The following PLCG2 variants were observed in gnomAD, a reference collection of about 807,000 sequenced individuals.
PLCG2 encodes 1-phosphatidylinositol 4,5-bisphosphate phosphodiesterase gamma-2.
In PLCG2, 69 loss-of-function variants were observed where a neutral mutation model predicts 175.6. That is an observed-to-expected ratio of 0.39 (90% CI 0.32 to 0.48). The LOEUF (loss-of-function observed/expected upper bound fraction) is 0.48. Among genes scored for constraint, PLCG2 ranks in the 20% least tolerant of loss-of-function variants. The pLI is 0.91. For missense variants in PLCG2, 1,798 were observed against 1,650.9 expected (o/e 1.09, Z -1.54); for synonymous variants, 827 against 624.0 (o/e 1.33, Z -4.85).
intron 10 of PLCG2, 70 bp from the exon 11 acceptor site, chr16:81,891,402 G>A (rs910791390): frequency 7.7e-6 from 7 of 905,444 alleles, no homozygotes; most frequent in Non-Finnish European, 1.3e-5. Context: ...GGTGGGCGCA[G>A]ACCAGAAACA....
chr16:81,934,735 G>A (rs1910637822), intron 26 of PLCG2, among the ~76,000 whole-genome samples: 1 of 152,140 alleles, frequency 6.6e-6, no homozygotes, highest in African/African-American at 2.4e-5. Flanking sequence ...TCATGCTGCT[G>A]ATAAAGACAT....
At chr16:81,896,067 C>T (rs1200225491) in intron 13 of PLCG2, 140 bp downstream of exon 13, 2 of 1,068,774 alleles carry the variant, frequency 1.9e-6, no homozygotes, top group East Asian at 2.4e-5. Flanking sequence ...TGGCCAAAGC[C>T]ACTGCCATCA....
intron 2 of PLCG2, among the ~76,000 whole-genome samples, chr16:81,762,046 G>C (rs984462293): frequency 6.6e-6 from 1 of 151,562 alleles, no homozygotes; most frequent in African/African-American, 2.4e-5. Flanking sequence ...TGGTGGCTAG[G>C]GTTGTCTGGA....
intron 1 of PLCG2, among the ~76,000 whole-genome samples, chr16:81,754,674 T>C (rs1329426601): frequency 6.6e-6 from 1 of 151,206 alleles, no homozygotes; most frequent in Non-Finnish European, 1.5e-5. Context: ...CAGAGCTCAC[T>C]AGTGGGAACC....
chr16:81,824,147 T>C (rs1904940813), intron 2 of PLCG2, among the ~76,000 whole-genome samples: 1 of 149,024 alleles, frequency 6.7e-6, no homozygotes, highest in Non-Finnish European at 1.5e-5. Flanking sequence ...CTCTCTTTCT[T>C]TCTTTCATGG....
At chr16:81,905,546 C>A in intron 15 of PLCG2, 39 bp downstream of exon 15, 1 of 1,297,916 alleles carries the variant, frequency 7.7e-7, no homozygotes, top group Non-Finnish European at 1.1e-6. Context: ...TGCGGCCACG[C>A]CCCTTGCAGC....
intron 9 of PLCG2, among the ~76,000 whole-genome samples, chr16:81,886,780 G>A (rs1365805844): frequency 6.6e-6 from 1 of 152,210 alleles, no homozygotes; most frequent in Non-Finnish European, 1.5e-5. Flanking sequence ...TGGGGTGGTG[G>A]TAAGTTCAAG....
intron 12 of PLCG2, 133 bp from the exon 13 acceptor site, chr16:81,895,674 T>G: frequency 2.1e-6 from 2 of 930,434 alleles, no homozygotes; most frequent in Non-Finnish European, 3.3e-6. Flanking sequence ...AGCCATGTCC[T>G]CGTGTTGGCA....
At chr16:81,948,999 C>T (rs1382017241) in intron 31 of PLCG2, among the ~76,000 whole-genome samples, 2 of 152,180 alleles carry the variant, frequency 1.3e-5, no homozygotes, top group African/African-American at 2.4e-5. Flanking sequence ...AGAAAGCTTT[C>T]TGGAATTCAG....
intron 26 of PLCG2, among the ~76,000 whole-genome samples, chr16:81,935,084 C>T (rs899168499): frequency 2.6e-5 from 4 of 152,170 alleles, no homozygotes; most frequent in Non-Finnish European, 4.4e-5. Context: ...TTACCACAAA[C>T]TTGGTGGCTG....
intron 3 of PLCG2, among the ~76,000 whole-genome samples, chr16:81,856,665 C>T (rs1406373597): frequency 1.3e-5 from 2 of 152,170 alleles, no homozygotes; most frequent in African/African-American, 4.8e-5. Context: ...AAAGCTAAAT[C>T]CCTAAGCCAG....
At chr16:81,908,795 A>G (rs1909491746) in intron 17 of PLCG2, among the ~76,000 whole-genome samples, 1 of 152,194 alleles carries the variant, frequency 6.6e-6, no homozygotes, top group African/African-American at 2.4e-5. Flanking sequence ...ATGAGATTTC[A>G]GGGCAATCTT....
intron 7 of PLCG2, among the ~76,000 whole-genome samples, chr16:81,878,393 G>T (rs1050623691): frequency 2.6e-5 from 4 of 152,228 alleles, no homozygotes; most frequent in South Asian, 4.1e-4. Context: ...TCCAAAGAAG[G>T]TCATGCCCAT....
At chr16:81,782,266 G>C (rs927946636) in intron 1 of PLCG2, among the ~76,000 whole-genome samples, 1 of 151,672 alleles carries the variant, frequency 6.6e-6, no homozygotes, top group Admixed American at 6.6e-5. Context: ...GACATGAAAT[G>C]TAAAAATGGC....
chr16:81,899,759 A>G (rs1909063871), intron 13 of PLCG2, among the ~76,000 whole-genome samples: 1 of 152,230 alleles, frequency 6.6e-6, no homozygotes, highest in Admixed American at 6.5e-5. Context: ...TGTGTCAGAT[A>G]CGCTTGGTTC....
intron 23 of PLCG2, among the ~76,000 whole-genome samples, chr16:81,927,423 A>G (rs1293314637): frequency 2.0e-5 from 3 of 152,210 alleles, no homozygotes; most frequent in African/African-American, 7.2e-5. Flanking sequence ...TTCATTATGC[A>G]GGAGAATTCC....
intron 24 of PLCG2, among the ~76,000 whole-genome samples, chr16:81,929,419 A>T (rs745527717): frequency 4.2e-4 from 64 of 152,138 alleles, no homozygotes; most frequent in Non-Finnish European, 8.5e-4. Flanking sequence ...TTTTCGCGAT[A>T]GAGTCTCGCT....
chr16:81,883,217 T>C (rs1168096440), intron 8 of PLCG2, 52 bp from the exon 9 acceptor site: 3 of 1,531,764 alleles, frequency 2.0e-6, no homozygotes, highest in South Asian at 2.2e-5. Flanking sequence ...TCCTCTCGAC[T>C]CCTCTGTTGA....
intron 19 of PLCG2, among the ~76,000 whole-genome samples, chr16:81,913,186 G>A (rs917628629): frequency 1.4e-4 from 22 of 152,192 alleles, no homozygotes; most frequent in South Asian, 2.1e-4. Context: ...ACCCCAAAAC[G>A]CCAGATTCTC....
Sources: gnomAD v4.1 joint callset for allele counts (sites outside exome capture counted in the v4.1 genomes callset) on GRCh38, gnomAD v4.1.1 for gene constraint, MANE v1.5 for transcripts, NCBI Gene and HGNC (gene_info 2026-07-23, HGNC 2026-07-21) for gene names.